Variants in RBFOX3 observed in about 807,000 individuals in gnomAD.
The protein encoded by RBFOX3 is RNA binding protein fox-1 homolog 3.
In RBFOX3, 17 loss-of-function variants were observed where a neutral mutation model predicts 48.7. The ratio of observed to expected loss-of-function variants is 0.35; its 90% CI spans 0.24 to 0.52. RBFOX3 has a LOEUF of 0.52. RBFOX3 is among the 20% of genes least tolerant of loss of function. The pLI, the probability that RBFOX3 is intolerant of heterozygous loss-of-function variation, is 0.94. For synonymous variants in RBFOX3, 212 were observed against 209.5 expected (o/e 1.01, Z -0.10); for missense variants, 382 against 497.5 (o/e 0.77, Z 2.21).
At chr17:79,401,621 A>G (rs1264301952) in intron 2 of RBFOX3, among the ~76,000 whole-genome samples, 1 of 152,188 alleles carries the variant, frequency 6.6e-6, no homozygotes, top group Non-Finnish European at 1.5e-5. Context: ...ACACTCCAGT[A>G]TTCCGCAGCT....
At chr17:79,230,524 G>A (rs1270180016) in intron 4 of RBFOX3, among the ~76,000 whole-genome samples, 1 of 152,042 alleles carries the variant, frequency 6.6e-6, no homozygotes, top group East Asian at 1.9e-4. Context: ...CTCCCAAAGT[G>A]CTGGGATTAC....
intron 4 of RBFOX3, among the ~76,000 whole-genome samples, chr17:79,216,415 C>G (rs2059054647): frequency 6.6e-6 from 1 of 151,964 alleles, no homozygotes; most frequent in Non-Finnish European, 1.5e-5. Context: ...CCTGGAGGGC[C>G]TGGAGTGGAG....
chr17:79,092,269 CT>C, intron 14 of RBFOX3: 1 of 985,524 alleles, frequency 1.0e-6, no homozygotes, highest in South Asian at 4.7e-5. Flanking sequence ...GCCTGGTCTC[CT>C]GGCCCAGCCT....
At position 79,204,431 on chromosome 17, in the gene RBFOX3, A is replaced by C. The variant is rs374371964; in HGVS notation, c.-34+31335T>G. On this transcript the variant is annotated intron_variant, in intron 4 of 14. Coordinates refer to ENST00000693108, the MANE Select transcript of RBFOX3 (RefSeq NM_001350451.2). The surrounding 1 kb of genome is among the most constrained non-coding windows in gnomAD (Gnocchi z 4.5). ...GTAACTTCTCATGACTCAGGGCTTA[A>C]TATCCTGGAAAGGACACGCGTACCA... 6.6e-6 allele frequency among the ~76,000 whole-genome samples: 1 copy of C among 152,212 alleles called. No individual in the cohort carries two copies. Among genetic ancestry groups the C allele is most frequent in the African/African-American group, 2.4e-5 (1 of 41,448 alleles).
intron 4 of RBFOX3, among the ~76,000 whole-genome samples, chr17:79,131,336 C>T (rs755265253): frequency 6.6e-6 from 1 of 152,254 alleles, no homozygotes; most frequent in East Asian, 1.9e-4. Flanking sequence ...CTGGGAACAG[C>T]GCTAGAGCGT....
chr17:79,581,583 T>C (rs1362884564), intron 1 of RBFOX3, among the ~76,000 whole-genome samples: 1 of 152,178 alleles, frequency 6.6e-6, no homozygotes, highest in Non-Finnish European at 1.5e-5. Context: ...GTGTAGACGC[T>C]CCTTGGCCTG....
chr17:79,551,620 T>TAAA, intron 1 of RBFOX3, among the ~76,000 whole-genome samples: 1 of 152,094 alleles, frequency 6.6e-6, no homozygotes, highest in South Asian at 2.1e-4. Context: ...ATCCTCCATT[T>TAAA]GGGTCATGGG....
At position 79,103,555 on chromosome 17, in the gene RBFOX3, G is replaced by A. The variant is rs190614217; in HGVS notation, c.415-301C>T. On this transcript the variant is annotated intron_variant, in intron 7 of 14. Transcript: ENST00000693108. This position sits in a 1 kb window ranked among gnomAD's most constrained non-coding sequence, Gnocchi z 6.1. ...GACAGGCCAAAGCCACATAAGAGAC[G>A]CCATACCTGACCACAGGCCAGGCCT... Among the ~76,000 whole-genome samples, 27 of 152,250 alleles carry A rather than the reference G, an allele frequency of 1.8e-4. No individual in the cohort carries two copies. The highest frequency in any genetic ancestry group is 2.5e-4 in the Non-Finnish European group (17 of 67,994).
At chr17:79,262,281 T>C (rs1054002099) in intron 3 of RBFOX3, among the ~76,000 whole-genome samples, 4 of 152,142 alleles carry the variant, frequency 2.6e-5, no homozygotes, top group Non-Finnish European at 4.4e-5. Flanking sequence ...CAGGGGCAAG[T>C]CCCGCAGCCA....
intron 2 of RBFOX3, among the ~76,000 whole-genome samples, chr17:79,427,860 A>G (rs2067674694): frequency 6.6e-6 from 1 of 152,202 alleles, no homozygotes; most frequent in Non-Finnish European, 1.5e-5. Context: ...ACACATGAAC[A>G]CGTGTACACA....
At chr17:79,188,464 A>C (rs1274867690) in intron 4 of RBFOX3, among the ~76,000 whole-genome samples, 1 of 151,882 alleles carries the variant, frequency 6.6e-6, no homozygotes, top group Non-Finnish European at 1.5e-5. Flanking sequence ...CGTCTCACTT[A>C]CAACCATGTC....
chr17:79,530,136 A>C (rs1237810608), intron 1 of RBFOX3, among the ~76,000 whole-genome samples: 1 of 152,212 alleles, frequency 6.6e-6, no homozygotes, highest in Non-Finnish European at 1.5e-5. Flanking sequence ...AGCACAGCCC[A>C]CAGAGAGGAG....
chr17:79,106,182 A>C (rs1318870478), intron 6 of RBFOX3, among the ~76,000 whole-genome samples: 1 of 152,062 alleles, frequency 6.6e-6, no homozygotes, highest in East Asian at 2.0e-4. Flanking sequence ...CCCCGGGCAC[A>C]CAAGAGAGGC....
In RBFOX3 at chr17:79,101,568, G is replaced by C. The variant is rs2076441787; in HGVS notation, c.568+16C>G. 6.5e-7 allele frequency: 1 copy of C among 1,549,722 alleles called. No individual in the cohort carries two copies. Among genetic ancestry groups the C allele is most frequent in the African/African-American group, 1.4e-5 (1 of 73,030 alleles). Reference sequence around the variant, plus strand: ...CAGTGACCCCAGCAGCCTTGTGGGGGGACCCAGCCCCTTACCGTTGGTGTA... The same window carrying C: ...CAGTGACCCCAGCAGCCTTGTGGGGCGACCCAGCCCCTTACCGTTGGTGTA... On this transcript the variant is annotated intron_variant, in intron 9 of 14. Coordinates refer to ENST00000693108, the MANE Select transcript of RBFOX3 (RefSeq NM_001350451.2).
chr17:79,295,598 G>C (rs993516580), intron 3 of RBFOX3, among the ~76,000 whole-genome samples: 1 of 152,212 alleles, frequency 6.6e-6, no homozygotes, highest in African/African-American at 2.4e-5. Context: ...GGAAAGATCA[G>C]AAGTTGTTGG....
rs2078735851 is a variant in RBFOX3 at position 79,481,246 on chromosome 17, G to A, written c.-175+1208C>T. On this transcript the variant is annotated intron_variant, in intron 2 of 14. Coordinates refer to ENST00000693108, the MANE Select transcript of RBFOX3 (RefSeq NM_001350451.2). The surrounding 1 kb of genome is among the most constrained non-coding windows in gnomAD (Gnocchi z 5.4). ...GCATCATCTGCTCAGCCTACAGTGG[G>A]TCATCATGCAAAGCCTGCCTGCAGG... Among the ~76,000 whole-genome samples the A allele has an allele frequency of 6.6e-6, 1 of 152,196 alleles. No individual in the cohort carries two copies. Among genetic ancestry groups the A allele is most frequent in the Non-Finnish European group, 1.5e-5 (1 of 68,036 alleles).
intron 2 of RBFOX3, among the ~76,000 whole-genome samples, chr17:79,419,971 C>CA (rs1377676101): frequency 1.3e-5 from 2 of 152,128 alleles, no homozygotes; most frequent in African/African-American, 2.4e-5. Flanking sequence ...TACTAAAATA[C>CA]AAAAAATTAG....
At chr17:79,358,577 C>A (rs1376029561) in intron 2 of RBFOX3, among the ~76,000 whole-genome samples, 1 of 152,162 alleles carries the variant, frequency 6.6e-6, no homozygotes, top group Non-Finnish European at 1.5e-5. Flanking sequence ...TCCATTGCCT[C>A]AGTCAACCTA....
At chr17:79,358,007 C>T (rs549893292) in intron 2 of RBFOX3, among the ~76,000 whole-genome samples, 16 of 151,952 alleles carry the variant, frequency 1.1e-4, no homozygotes, top group African/African-American at 7.2e-5. Flanking sequence ...AGTACAGTGG[C>T]ACATTCATAG....
Sources: gnomAD v4.1 joint callset for allele counts (sites outside exome capture counted in the v4.1 genomes callset) on GRCh38, gnomAD v4.1.1 for gene constraint, Gnocchi (gnomAD v3.1) non-coding constraint, MANE v1.5 for transcripts, NCBI Gene and HGNC (gene_info 2026-07-23, HGNC 2026-07-21) for gene names.